The following SP110 variants were observed in gnomAD, a reference collection of about 807,000 sequenced individuals.
The protein encoded by SP110 is SP110 nuclear body protein.
Under a neutral mutation model 92.7 loss-of-function variants are expected in SP110, and 62 were observed. The observed-to-expected ratio is 0.67, with a 90% confidence interval of 0.55 to 0.83. The LOEUF is 0.83. Ranked by LOEUF, SP110 falls within the 40% of genes least tolerant of loss-of-function variation. The pLI is 0.00. For synonymous variants in SP110, 273 were observed against 305.3 expected (o/e 0.89, Z 1.10); for missense variants, 793 against 863.9 (o/e 0.92, Z 1.03).
upstream of SP110, among the ~76,000 whole-genome samples, chr2:230,222,489 C>T (rs2045901951): frequency 1.3e-5 from 2 of 152,134 alleles, no homozygotes; most frequent in African/African-American, 4.8e-5. Context: ...GAGGTCAAAG[C>T]AGGAGGATCG....
At position 230,212,395 on chromosome 2, in the gene SP110, C is replaced by T. The variant is rs9061; in HGVS notation, c.619G>A (p.Glu207Lys). The T allele has an allele frequency of 0.1, 161,850 of 1,612,608 alleles. 9,687 individuals carry two copies. The highest frequency in any genetic ancestry group is 0.23 in the South Asian group (21,011 of 91,028). ...CTGGGCATCTCTTCTGAGTCTTCTT[C>T]CGCATTCATTTTGGATGTTAACTTG... is the stretch of plus-strand genomic sequence containing the variant. ...NDKLTSKMNA[E>K]EDSEEMPSLL... The change falls in exon 5 of 19, where the codon GAA becomes AAA. Residue 207 changes from glutamate to lysine, a missense_variant. Transcript: ENST00000258381.
At position 230,166,140 on chromosome 2, in the gene SP110, C is replaced by T. The variant is rs1457867639; in HGVS notation, c.*2984G>A. ...ATCTCTTGACCTCGCGATCCACTCG[C>T]CTCAGCCTCCCAAAGTGCTGGGATT... is the stretch of plus-strand genomic sequence containing the variant. On this transcript the variant is annotated 3_prime_UTR_variant, in exon 19 of 19. Coordinates refer to ENST00000258381, the MANE Select transcript of SP110 (RefSeq NM_080424.4). 6.6e-6 allele frequency among the ~76,000 whole-genome samples: 1 copy of T among 152,164 alleles called. No individual in the cohort carries two copies. The highest frequency in any genetic ancestry group is 1.9e-4 in the East Asian group (1 of 5,198).
Position 230,165,376 on chromosome 2 carries a change from A to G in SP110, c.*3748T>C, listed in dbSNP as rs2078296371. On this transcript the variant is annotated 3_prime_UTR_variant, in exon 19 of 19. Transcript: ENST00000258381. ...AAGTATGGAGAAGTCGTGTCAAGAAAAGACCAGCAGGGAATCTTAAACAGT... is the reference window on the plus strand; with the variant it reads ...AAGTATGGAGAAGTCGTGTCAAGAAGAGACCAGCAGGGAATCTTAAACAGT... Among the ~76,000 whole-genome samples, 2 of 152,248 alleles carry G rather than the reference A, an allele frequency of 1.3e-5. No homozygotes were observed. Among genetic ancestry groups the G allele is most frequent in the Admixed American group, 6.5e-5 (1 of 15,286 alleles).
chr2:230,202,843 T>C, intron 8 of SP110, 115 bp from the exon 9 acceptor site: 1 of 909,718 alleles, frequency 1.1e-6, no homozygotes, highest in Non-Finnish European at 1.8e-6. Flanking sequence ...TTCAGATCTC[T>C]GTACCCCTGT....
chr2:230,211,420 G>T lies in SP110; in HGVS notation c.751+50C>A. 8.5e-7 allele frequency: 1 copy of T among 1,183,018 alleles called. No individual in the cohort carries two copies. Among genetic ancestry groups the T allele is most frequent in the Non-Finnish European group, 1.3e-6 (1 of 786,518 alleles). The allele number at this position is 1,183,018 out of a possible 1,614,324, so 73.3% of individuals were successfully genotyped here. ...AAGATCCGAATGGCTTTTCCTCTTA[G>T]TAAACACAGAAACAAAGGCAAGCTT... On this transcript the variant is annotated intron_variant, in intron 6 of 18. Transcript: ENST00000258381. This position sits in a 1 kb window ranked among gnomAD's most constrained non-coding sequence, Gnocchi z 4.2.
At chr2:230,191,926 A>G (rs979754871) in intron 10 of SP110, among the ~76,000 whole-genome samples, 5 of 152,078 alleles carry the variant, frequency 3.3e-5, no homozygotes, top group African/African-American at 1.2e-4. Context: ...ACATCAAAAA[A>G]CTTATTCACC....
chr2:230,221,049 G>A (rs542221421), upstream of SP110, among the ~76,000 whole-genome samples: 3 of 152,140 alleles, frequency 2.0e-5, no homozygotes, highest in African/African-American at 7.2e-5. Flanking sequence ...TTGGGAGGCT[G>A]AGATGGGTGG....
intron 2 of SP110, among the ~76,000 whole-genome samples, chr2:230,216,400 G>A (rs1209190997): frequency 6.6e-6 from 1 of 152,146 alleles, no homozygotes; most frequent in Non-Finnish European, 1.5e-5. Context: ...TACAAGGCAA[G>A]GAACACTAAG....
rs186700155 is a variant in SP110 at position 230,165,399 on chromosome 2, A to G, written c.*3725T>C. 2.6e-5 allele frequency among the ~76,000 whole-genome samples: 4 copies of G among 152,384 alleles called. No individual in the cohort carries two copies. Among genetic ancestry groups the G allele is most frequent in the Admixed American group, 2.6e-4 (4 of 15,312 alleles). On this transcript the variant is annotated 3_prime_UTR_variant, in exon 19 of 19. Coordinates refer to ENST00000258381, the MANE Select transcript of SP110 (RefSeq NM_080424.4). ...AAAAGACCAGCAGGGAATCTTAAAC[A>G]GTGAAAACAGAAACACATTAATACT...
rs3820974 is a variant in SP110, at chr2:230,211,574, T to A, written c.668-21A>T. 2 of 1,474,878 alleles carry A rather than the reference T, an allele frequency of 1.4e-6. No individual in the cohort carries two copies. Among genetic ancestry groups the A allele is most frequent in the Admixed American group, 3.3e-5 (2 of 59,792 alleles). 91.4% of individuals were successfully genotyped at this position (1,474,878 alleles called of 1,614,324 possible). A position where few individuals can be genotyped will look rare whatever the true frequency, so the allele number is the denominator to read the frequency against. ...GGCCACTGAATGGAGGAAGAAAAAG[T>A]TTTAGATCTCAGGAACAGCAAGCAG... On this transcript the variant is annotated intron_variant, in intron 5 of 18. Coordinates refer to ENST00000258381, the MANE Select transcript of SP110 (RefSeq NM_080424.4). The surrounding 1 kb of genome is among the most constrained non-coding windows in gnomAD (Gnocchi z 4.2).
chr2:230,165,373 G>GA lies in SP110; in HGVS notation c.*3750dup, dbSNP rs2078296344. Among the ~76,000 whole-genome samples the GA allele has an allele frequency of 6.6e-6, 1 of 152,176 alleles. No homozygotes were observed. The highest frequency in any genetic ancestry group is 2.4e-5 in the African/African-American group (1 of 41,430). ...AGGAAGTATGGAGAAGTCGTGTCAA[G>GA]AAAAGACCAGCAGGGAATCTTAAAC... On this transcript the variant is annotated 3_prime_UTR_variant, in exon 19 of 19. Coordinates refer to ENST00000258381, the MANE Select transcript of SP110 (RefSeq NM_080424.4).
chr2:230,172,797 C>T, intron 15 of SP110, 47 bp downstream of exon 15: 1 of 1,282,558 alleles, frequency 7.8e-7, no homozygotes, highest in East Asian at 2.3e-5. Context: ...CCCTTTCCAT[C>T]TGGAGGTGAG....
chr2:230,196,269 T>C (rs1470510529), intron 10 of SP110, among the ~76,000 whole-genome samples: 1 of 152,184 alleles, frequency 6.6e-6, no homozygotes, highest in Non-Finnish European at 1.5e-5. Flanking sequence ...AAACCTGATT[T>C]CTATTTTCAT....
rs1031552329 is a variant in SP110 at position 230,172,077 on chromosome 2, G to C, written c.1804C>G (p.Gln602Glu). The change falls in exon 16 of 19, where the codon CAG becomes GAG. Residue 602 changes from glutamine to glutamate, a missense_variant. Physicochemically the swap from Gln to Glu is conservative, Grantham distance 29. Transcript: ENST00000258381. The part of the protein sequence containing the change: ...SKTLERQMQP[Q>E]DQLKCEFLLL... ...TGCATCCAACTCACCAGCTGGTCCT[G>C]AGGCTGCATCTGCCTCTCCAGGGTC... 2 of 1,603,474 alleles carry C rather than the reference G, an allele frequency of 1.2e-6. No homozygotes were observed. The highest frequency in any genetic ancestry group is 1.7e-5 in the Admixed American group (1 of 60,002).
chr2:230,191,995 A>G (rs1293289255), intron 10 of SP110, among the ~76,000 whole-genome samples: 1 of 152,228 alleles, frequency 6.6e-6, no homozygotes, highest in African/African-American at 2.4e-5. Context: ...ACAAATCAAT[A>G]AGCATAATCC....
intron 8 of SP110, chr2:230,203,411 T>C (rs1289228007): frequency 1.3e-5 from 2 of 154,226 alleles, no homozygotes; most frequent in Non-Finnish European, 2.9e-5. Context: ...ACACAGAGTG[T>C]GCAGCCATGC....
chr2:230,181,845 C>T (rs911234447), intron 12 of SP110, among the ~76,000 whole-genome samples: 6 of 152,202 alleles, frequency 3.9e-5, no homozygotes, highest in African/African-American at 1.4e-4. Context: ...CACTTTTATA[C>T]TATTGGTGGG....
At chr2:230,219,178 T>C (rs2045567871) in intron 1 of SP110, among the ~76,000 whole-genome samples, 2 of 152,226 alleles carry the variant, frequency 1.3e-5, no homozygotes. Flanking sequence ...TGATCTGAGA[T>C]GGTGCCATTG....
At chr2:230,199,205 C>CTTTTTT (rs35807015) in intron 10 of SP110, among the ~76,000 whole-genome samples, 1 of 89,448 alleles carries the variant, frequency 1.1e-5, no homozygotes, top group Non-Finnish European at 2.1e-5. Flanking sequence ...ACATAATCCT[C>CTTTTTT]TTTTTTTTTT....
Sources: allele counts gnomAD v4.1 joint callset (sites outside exome capture counted in the v4.1 genomes callset), GRCh38; gene constraint gnomAD v4.1.1; non-coding constraint Gnocchi (gnomAD v3.1); transcripts MANE v1.5; gene names NCBI Gene and HGNC (gene_info 2026-07-23, HGNC 2026-07-21).